The following MSS51 variants were observed in gnomAD, a reference collection of about 807,000 sequenced individuals.
The protein encoded by MSS51 is MSS51 mitochondrial translational activator, also known as putative protein MSS51 homolog, mitochondrial.
A neutral mutation model predicts 40.2 loss-of-function variants in MSS51; 32 were observed. That is an observed-to-expected ratio of 0.80 (90% CI 0.60 to 1.07). MSS51 has a LOEUF of 1.07. Ranked by LOEUF, MSS51 falls within the 50% of genes least tolerant of loss-of-function variation. The pLI is 0.00. For missense variants in MSS51, 518 were observed against 568.9 expected, an observed-to-expected ratio of 0.91 and a Z score of 0.91; for synonymous variants, 178 against 214.2, an observed-to-expected ratio of 0.83 and a Z score of 1.48.
At chr10:73,428,944 C>T (rs1365285169) in intron 1 of MSS51, among the ~76,000 whole-genome samples, 1 of 151,890 alleles carries the variant, frequency 6.6e-6, no homozygotes, top group Non-Finnish European at 1.5e-5. Flanking sequence ...GTGGCTCACG[C>T]CTGTAATCCC....
At chr10:73,431,165 G>A (rs1221746512) in intron 1 of MSS51, among the ~76,000 whole-genome samples, 1 of 152,146 alleles carries the variant, frequency 6.6e-6, no homozygotes, top group Non-Finnish European at 1.5e-5. Flanking sequence ...TGGTTATGGG[G>A]TCTTCTTTTG....
chr10:73,424,800 TCTA>T (rs777689721), intron 6 of MSS51, 28 bp from the exon 7 acceptor site: 16 of 1,562,824 alleles, frequency 1.0e-5, no homozygotes, highest in Non-Finnish European at 1.4e-5. Flanking sequence ...GAAAAATTAC[TCTA>T]CTGATTGTGA....
At position 73,424,300 on chromosome 10, in the gene MSS51, C is replaced by A; in HGVS notation, c.*253G>T. ...GCTGAGGCAGGAGAACCACTTGAAC[C>A]CAGGAGGCGGAGGCTGCAGTGAGTC... On this transcript the variant is annotated 3_prime_UTR_variant, in exon 7 of 7. Transcript: ENST00000299432. 1 of 399,166 alleles carries A rather than the reference C, an allele frequency of 2.5e-6. No individual in the cohort carries two copies. 24.7% of individuals were successfully genotyped at this position (399,166 alleles called of 1,614,324 possible). A position where few individuals can be genotyped will look rare whatever the true frequency, so the allele number is the denominator to read the frequency against.
At chr10:73,424,874 T>A in intron 6 of MSS51, 102 bp from the exon 7 acceptor site, 2 of 1,021,730 alleles carry the variant, frequency 2.0e-6, no homozygotes, top group Non-Finnish European at 3.0e-6. Flanking sequence ...ATCCCCCAAA[T>A]TGCCTAAGGC....
chr10:73,429,622 C>G (rs771627829), intron 1 of MSS51: 2 of 456,696 alleles, frequency 4.4e-6, no homozygotes, highest in Non-Finnish European at 8.8e-6. Flanking sequence ...CACTCAGTCA[C>G]GATCTGGCTG....
intron 1 of MSS51, among the ~76,000 whole-genome samples, chr10:73,429,358 T>C (rs1269894505): frequency 6.6e-6 from 1 of 152,248 alleles, no homozygotes; most frequent in Non-Finnish European, 1.5e-5. Flanking sequence ...CTTTAATGTA[T>C]TTTAAAACTC....
At chr10:73,429,557 A>G in intron 1 of MSS51, 1 of 455,148 alleles carries the variant, frequency 2.2e-6, no homozygotes, top group South Asian at 1.6e-5. Flanking sequence ...TTATGTAGTC[A>G]AGCAAGTCAG....
Position 73,426,047 on chromosome 10 carries a change from G to GTT in MSS51, c.832_833insAA (p.Thr278LysfsTer27). The GTT allele has an allele frequency of 6.2e-7, 1 of 1,614,206 alleles. No homozygotes were observed. Among genetic ancestry groups the GTT allele is most frequent in the African/African-American group, 1.3e-5 (1 of 75,042 alleles). On this transcript the variant is annotated frameshift_variant, in exon 5 of 7. Transcript: ENST00000299432. LOFTEE classifies it high-confidence loss of function. ...AAGCTCATCATAGTCCCCTGGGCGAGTAAGAAATGTCTCCACATGGGAAGC... is the reference window on the plus strand; with the variant it reads ...AAGCTCATCATAGTCCCCTGGGCGAGTTTAAGAAATGTCTCCACATGGGAAGC...
intron 1 of MSS51, chr10:73,429,491 A>G: frequency 2.5e-6 from 1 of 402,444 alleles, no homozygotes; most frequent in East Asian, 7.2e-5. Flanking sequence ...TATCACATGT[A>G]TAAGCAATAA....
intron 1 of MSS51, among the ~76,000 whole-genome samples, chr10:73,432,331 C>G (rs1259753349): frequency 2.0e-5 from 3 of 152,096 alleles, no homozygotes; most frequent in Non-Finnish European, 4.4e-5. Context: ...GCCACGGCGC[C>G]CGGCCAAGAC....
At chr10:73,432,943 T>A (rs1270036169) in intron 1 of MSS51, among the ~76,000 whole-genome samples, 6 of 152,098 alleles carry the variant, frequency 3.9e-5, no homozygotes. Flanking sequence ...TGGAAAGAAT[T>A]GCAGTAAGCT....
rs1462410331 is a variant in MSS51 at position 73,425,113 on chromosome 10, A to G, written c.1148T>C (p.Leu383Ser). 1 of 1,612,522 alleles carries G rather than the reference A, an allele frequency of 6.2e-7. No homozygotes were observed. The highest frequency in any genetic ancestry group is 8.5e-7 in the Non-Finnish European group (1 of 1,179,026). Residue 383 changes from leucine to serine, a missense_variant, in exon 6 of 7, where the codon TTG (leucine) becomes TCG (serine). Physicochemically the swap from Leu to Ser is moderately radical, Grantham distance 145. Coordinates refer to ENST00000299432, the MANE Select transcript of MSS51 (RefSeq NM_001024593.2). ...LLLRDYKIPT[L>S]ITVYSHQELV... is the part of the protein sequence containing the mutation. ...AGGTCAAAACCTGTAAACAGTAATC[A>G]ATGTAGGAATCTTATAGTCACGAAG... is the stretch of plus-strand genomic sequence containing the variant.
intron 1 of MSS51, among the ~76,000 whole-genome samples, chr10:73,428,871 A>G (rs1487726608): frequency 2.0e-5 from 3 of 152,264 alleles, no homozygotes; most frequent in East Asian, 1.9e-4. Context: ...ATATATATAT[A>G]TAAGTAAATG....
intron 3 of MSS51, 49 bp from the exon 4 acceptor site, chr10:73,426,780 G>A: frequency 6.3e-7 from 1 of 1,595,982 alleles, no homozygotes; most frequent in South Asian, 1.1e-5. Context: ...TATGATTGGG[G>A]TTATCGGAGG....
intron 1 of MSS51, 108 bp from the exon 2 acceptor site, chr10:73,428,409 C>T: frequency 1.2e-6 from 1 of 817,432 alleles, no homozygotes. Context: ...TCTCTCAGAC[C>T]CAGGTTATCA....
At position 73,423,615 on chromosome 10, in the gene MSS51, A is replaced by T. The variant is rs568977618; in HGVS notation, c.*938T>A. The T allele has an allele frequency of 6.6e-6, 1 of 152,302 alleles. No individual in the cohort carries two copies. The highest frequency in any genetic ancestry group is 2.1e-4 in the South Asian group (1 of 4,820). The allele number at this position is 152,302 out of a possible 1,614,324, so 9.4% of individuals were successfully genotyped here. ...CAAACTGAGTTTATTGGGGTATAGA[A>T]TGGGGGATAATAAGTAACTCCAGTA... On this transcript the variant is annotated 3_prime_UTR_variant, in exon 7 of 7. Coordinates refer to ENST00000299432, the MANE Select transcript of MSS51 (RefSeq NM_001024593.2).
chr10:73,430,690 C>T, intron 1 of MSS51, among the ~76,000 whole-genome samples: 1 of 151,748 alleles, frequency 6.6e-6, no homozygotes, highest in Non-Finnish European at 1.5e-5. Context: ...AATGGTGCCA[C>T]CACCATAGAA....
Position 73,426,135 on chromosome 10 carries a change from C to T in MSS51, c.745G>A (p.Gly249Arg). Residue 249 changes from glycine to arginine, a missense_variant, in exon 5 of 7, where the codon GGA becomes AGA. Coordinates refer to ENST00000299432, the MANE Select transcript of MSS51 (RefSeq NM_001024593.2). ...VLSRPLTLGL[G>R]LRALGIDVRR... ...ACATCTATCCCCAAGGCCCTAAGTCCTAGGCCTAGAGTCAAGGGCCGTGAC... is the reference window on the plus strand; with the variant it reads ...ACATCTATCCCCAAGGCCCTAAGTCTTAGGCCTAGAGTCAAGGGCCGTGAC... 1 of 1,614,206 alleles carries T rather than the reference C, an allele frequency of 6.2e-7. No individual in the cohort carries two copies. The highest frequency in any genetic ancestry group is 1.7e-5 in the Admixed American group (1 of 60,032).
Position 73,424,753 on chromosome 10 carries a change from A to C in MSS51, c.1183T>G (p.Ser395Ala), listed in dbSNP as rs1238386605. ...TVYSHQELVSSLQILVELDTH... is the reference protein window; with the variant it reads ...TVYSHQELVSALQILVELDTH... Reference sequence around the variant, plus strand: ...TCCAGTTCCACCAGAATCTGCAAAGAGGATACCAACTCCTGATGGCTGTAG... The same window carrying C: ...TCCAGTTCCACCAGAATCTGCAAAGCGGATACCAACTCCTGATGGCTGTAG... Residue 395 changes from serine to alanine, a missense_variant, in exon 7 of 7, where the codon TCT (serine) becomes GCT (alanine). By Grantham distance (99) the Ser-to-Ala change is moderately conservative. Transcript: ENST00000299432. 10 of 1,613,910 alleles carry C rather than the reference A, an allele frequency of 6.2e-6. No homozygotes were observed. In the South Asian group the frequency reaches 1.1e-4, roughly 18 times the overall value.
Sources: allele counts gnomAD v4.1 joint callset (sites outside exome capture counted in the v4.1 genomes callset), GRCh38; gene constraint gnomAD v4.1.1; transcripts MANE v1.5; gene names NCBI Gene and HGNC (gene_info 2026-07-23, HGNC 2026-07-21).